Variants in PXDN observed in about 807,000 individuals in gnomAD.
PXDN encodes peroxidasin homolog.
In PXDN, 77 loss-of-function variants were observed where a neutral mutation model predicts 140.3. The ratio of observed to expected loss-of-function variants is 0.55; its 90% CI spans 0.46 to 0.66. The LOEUF (loss-of-function observed/expected upper bound fraction) is 0.66, where lower values mean the gene tolerates loss of function less well. PXDN is among the 30% of genes least tolerant of loss of function. PXDN has a pLI of 0.00. For missense variants in PXDN, 1,838 were observed against 2,039.5 expected (o/e 0.90, Z 1.90); for synonymous variants, 911 against 857.4 (o/e 1.06, Z -1.09).
At chr2:1,641,989 A>G (rs73178772) in intron 19 of PXDN, among the ~76,000 whole-genome samples, 13,227 of 152,290 alleles carry the variant, frequency 0.087, 712 homozygotes, top group African/African-American at 0.15. Context: ...GAGGATATAA[A>G]ACAAAAACAA....
chr2:1,670,233 C>T (rs1683541817), intron 9 of PXDN, among the ~76,000 whole-genome samples: 1 of 152,200 alleles, frequency 6.6e-6, no homozygotes, highest in African/African-American at 2.4e-5. Context: ...AATCTAAACT[C>T]ACTCCAAAAG....
chr2:1,711,594 ACCC>A, intron 1 of PXDN, among the ~76,000 whole-genome samples: 1 of 55,326 alleles, frequency 1.8e-5, no homozygotes, highest in Admixed American at 1.9e-4. Context: ...CTCCACCAGC[ACCC>A]ACTCTCCACC....
At position 1,661,192 on chromosome 2, in the gene PXDN, G is replaced by C. The variant is rs1012109141; in HGVS notation, c.1681-155C>G. On this transcript the variant is annotated intron_variant, in intron 13 of 22. Coordinates refer to ENST00000252804, the MANE Select transcript of PXDN (RefSeq NM_012293.3). ...ATCCATCCAGGCCTGGAAAGCGAAGGAGATGTGGTCAGTTCTCCCAGTGCC... is the reference window on the plus strand; with the variant it reads ...ATCCATCCAGGCCTGGAAAGCGAAGCAGATGTGGTCAGTTCTCCCAGTGCC... Among the ~76,000 whole-genome samples the C allele has an allele frequency of 4.6e-5, 7 of 152,298 alleles. No individual in the cohort carries two copies. The South Asian group carries it at 1.2e-3, about 27-fold the overall frequency.
chr2:1,689,476 G>T (rs909710308), intron 3 of PXDN, among the ~76,000 whole-genome samples: 4 of 152,156 alleles, frequency 2.6e-5, no homozygotes, highest in African/African-American at 9.7e-5. Flanking sequence ...AACGTAATTT[G>T]TTTTCATGAG....
intron 16 of PXDN, among the ~76,000 whole-genome samples, chr2:1,652,407 C>A (rs1214269138): frequency 6.6e-6 from 1 of 152,136 alleles, no homozygotes; most frequent in Non-Finnish European, 1.5e-5. Context: ...TGCCTGGTAC[C>A]TCTCATCCTA....
chr2:1,658,095 T>TC (rs1474963519), intron 14 of PXDN, among the ~76,000 whole-genome samples: 1 of 135,480 alleles, frequency 7.4e-6, no homozygotes, highest in Non-Finnish European at 1.6e-5. Flanking sequence ...TCTCTCTCTG[T>TC]TACAGTGTCT....
rs185159422 is a variant in PXDN at position 1,659,448 on chromosome 2, T to C, written c.1837+1433A>G. ...AATTTTATGACTCACATTTCATTCT[T>C]ATTAATGGTTTAAGTTGAATTTGTA... On this transcript the variant is annotated intron_variant, in intron 14 of 22. Coordinates refer to ENST00000252804, the MANE Select transcript of PXDN (RefSeq NM_012293.3). Among the ~76,000 whole-genome samples the C allele has an allele frequency of 3.3e-5, 5 of 152,376 alleles. No individual in the cohort carries two copies. The East Asian group carries it at 9.6e-4, about 29-fold the overall frequency.
chr2:1,681,876 G>A (rs1183740556), intron 6 of PXDN, among the ~76,000 whole-genome samples: 1 of 152,216 alleles, frequency 6.6e-6, no homozygotes, highest in Non-Finnish European at 1.5e-5. Flanking sequence ...AGGAAGCATA[G>A]GACCCCCAAC....
At chr2:1,645,809 G>A (rs969848114) in intron 17 of PXDN, 8 of 152,488 alleles carry the variant, frequency 5.2e-5, no homozygotes, top group Admixed American at 2.0e-4. Context: ...CCTTTTCCCA[G>A]AGGACTCCCT....
rs1298326694 is a variant in PXDN, at chr2:1,649,815, G to C, written c.2105-140C>G. On this transcript the variant is annotated intron_variant, in intron 16 of 22. Transcript: ENST00000252804. The surrounding 1 kb of genome is among the most constrained non-coding windows in gnomAD (Gnocchi z 7.1). ...ACCTGTTGTGCGCCATGCAACAAGCGCTTCCTGCTGGAAACCTGCTCACCT... is the reference window on the plus strand; with the variant it reads ...ACCTGTTGTGCGCCATGCAACAAGCCCTTCCTGCTGGAAACCTGCTCACCT... 2.0e-6 allele frequency: 2 copies of C among 980,408 alleles called. No individual in the cohort carries two copies. Among genetic ancestry groups the C allele is most frequent in the African/African-American group, 1.6e-5 (1 of 62,086 alleles). The allele number at this position is 980,408 out of a possible 1,614,324, so 60.7% of individuals were successfully genotyped here.
intron 19 of PXDN, among the ~76,000 whole-genome samples, chr2:1,641,656 G>A (rs1344790299): frequency 1.3e-5 from 2 of 152,204 alleles, no homozygotes; most frequent in African/African-American, 4.8e-5. Flanking sequence ...AAAGTGTCCG[G>A]AAGAAACAAT....
At chr2:1,717,526 T>G (rs756985048) in intron 1 of PXDN, among the ~76,000 whole-genome samples, 1 of 152,108 alleles carries the variant, frequency 6.6e-6, no homozygotes, top group Non-Finnish European at 1.5e-5. Context: ...CTTGCAACAA[T>G]AGACTCACCT....
chr2:1,680,405 G>C lies in PXDN; in HGVS notation c.561-43C>G, dbSNP rs1398625619. 3 of 1,607,064 alleles carry C rather than the reference G, an allele frequency of 1.9e-6. No homozygotes were observed. In the African/African-American group the frequency reaches 4.0e-5, roughly 21 times the overall value. ...CAGCCGGTGAGACATGGGGTGGCTGGGCTTGTCCATCCATCCATCAGACAG... is the reference window on the plus strand; with the variant it reads ...CAGCCGGTGAGACATGGGGTGGCTGCGCTTGTCCATCCATCCATCAGACAG... On this transcript the variant is annotated intron_variant, in intron 6 of 22. Coordinates refer to ENST00000252804, the MANE Select transcript of PXDN (RefSeq NM_012293.3).
At chr2:1,668,481 A>G (rs998369604) in intron 9 of PXDN, among the ~76,000 whole-genome samples, 1 of 152,218 alleles carries the variant, frequency 6.6e-6, no homozygotes, top group Non-Finnish European at 1.5e-5. Flanking sequence ...GAGCTTCTGC[A>G]CAAGAAAAGA....
chr2:1,683,774 T>A (rs769053828), intron 5 of PXDN, 47 bp from the exon 6 acceptor site: 4 of 1,426,572 alleles, frequency 2.8e-6, no homozygotes, highest in Non-Finnish European at 3.9e-6. Context: ...AAATATTTCT[T>A]AAAATGTGTA....
intron 1 of PXDN, among the ~76,000 whole-genome samples, chr2:1,709,359 C>T (rs982704634): frequency 6.6e-6 from 1 of 152,094 alleles, no homozygotes; most frequent in Non-Finnish European, 1.5e-5. Flanking sequence ...CTTGATCTGA[C>T]GAGGGCAGGG....
chr2:1,654,321 C>A, intron 15 of PXDN, 79 bp downstream of exon 15: 1 of 940,406 alleles, frequency 1.1e-6, no homozygotes, highest in South Asian at 1.5e-5. Flanking sequence ...ATTAGAACTG[C>A]ATGCATTCTT....
In PXDN at chr2:1,649,353, T is replaced by C. The variant is rs750251847; in HGVS notation, c.2427A>G (p.Thr809=). 1.9e-6 allele frequency: 3 copies of C among 1,613,708 alleles called. No homozygotes were observed. The highest frequency in any genetic ancestry group is 8.5e-7 in the Non-Finnish European group (1 of 1,179,864). ...STTLIGTETV[T]PDEQFTHMLM... is the part of the protein sequence containing the mutation. ...GCATGTGGGTGAACTGCTCGTCGGG[T>C]GTGACGGTCTCCGTCCCGATCAGGG... The change falls in exon 17 of 23, where the codon ACA becomes ACG. Residue 809 remains threonine (T), a synonymous_variant. Coordinates refer to ENST00000252804, the MANE Select transcript of PXDN (RefSeq NM_012293.3). This position sits in a 1 kb window ranked among gnomAD's most constrained non-coding sequence, Gnocchi z 7.1.
At chr2:1,701,832 TG>T (rs1478819354) in intron 1 of PXDN, among the ~76,000 whole-genome samples, 1 of 152,138 alleles carries the variant, frequency 6.6e-6, no homozygotes, top group Non-Finnish European at 1.5e-5. Context: ...ACTGCCCTTA[TG>T]AAAGAACCCC....
Sources: allele counts gnomAD v4.1 joint callset (sites outside exome capture counted in the v4.1 genomes callset), GRCh38; gene constraint gnomAD v4.1.1; non-coding constraint Gnocchi (gnomAD v3.1); transcripts MANE v1.5; gene names NCBI Gene and HGNC (gene_info 2026-07-23, HGNC 2026-07-21).